NAA35: variants seen among roughly 807,000 people sequenced by gnomAD.
NAA35 encodes N-alpha-acetyltransferase 35, NatC auxiliary subunit, also known as MAK10 homolog, amino-acid N-acetyltransferase subunit.
A neutral mutation model predicts 101.7 loss-of-function variants in NAA35; 18 were observed. The observed-to-expected ratio is 0.18, with a 90% confidence interval of 0.12 to 0.26. NAA35 has a LOEUF of 0.26. NAA35 is among the 10% of genes least tolerant of loss of function. The pLI is 1.00. For synonymous variants in NAA35, 267 were observed against 273.1 expected (o/e 0.98, Z 0.22); for missense variants, 601 against 886.8 (o/e 0.68, Z 4.09).
chr9:86,010,125 G>A (rs1831834342), intron 15 of NAA35, among the ~76,000 whole-genome samples, 194 bp downstream of exon 15: 1 of 152,114 alleles, frequency 6.6e-6, no homozygotes, highest in Non-Finnish European at 1.5e-5. Flanking sequence ...GCGCACGCCT[G>A]TAGTGCCAGC....
intron 2 of NAA35, among the ~76,000 whole-genome samples, chr9:85,949,456 G>A (rs1389435184): frequency 2.0e-5 from 3 of 151,574 alleles, no homozygotes; most frequent in Admixed American, 6.6e-5. Context: ...CACCATGCCC[G>A]GCTAATTTTT....
chr9:85,997,427 C>T (rs1001345548), intron 12 of NAA35, among the ~76,000 whole-genome samples: 4 of 151,424 alleles, frequency 2.6e-5, no homozygotes, highest in African/African-American at 7.3e-5. Flanking sequence ...CTGCAACCTC[C>T]GCCTGCCAGA....
chr9:85,976,855 A>G (rs1374965929), intron 9 of NAA35, 120 bp downstream of exon 9: 2 of 681,890 alleles, frequency 2.9e-6, no homozygotes, highest in Non-Finnish European at 4.9e-6. Flanking sequence ...TAAAAATTGG[A>G]CATTGCAAGG....
chr9:86,000,135 C>T (rs1360638861), intron 12 of NAA35, among the ~76,000 whole-genome samples: 1 of 152,090 alleles, frequency 6.6e-6, no homozygotes, highest in African/African-American at 2.4e-5. Flanking sequence ...GAAGGCTTTT[C>T]TGCATCTATT....
chr9:85,941,335 C>T (rs1034285772), intron 1 of NAA35, 62 bp downstream of exon 1: 19 of 985,456 alleles, frequency 1.9e-5, no homozygotes, highest in African/African-American at 1.6e-4. Context: ...GAGCCGCAGC[C>T]CCCCGCGCGT....
intron 12 of NAA35, among the ~76,000 whole-genome samples, chr9:85,997,601 C>G (rs912044945): frequency 6.6e-6 from 1 of 152,126 alleles, no homozygotes; most frequent in South Asian, 2.1e-4. Context: ...CTTTGGCCTC[C>G]CAAAGTGCTG....
chr9:85,963,228 A>C (rs1164564088), intron 6 of NAA35, among the ~76,000 whole-genome samples: 1 of 142,850 alleles, frequency 7.0e-6, no homozygotes, highest in Non-Finnish European at 1.5e-5. Flanking sequence ...AATTAAATGT[A>C]TACCCAATAT....
intron 15 of NAA35, 91 bp from the exon 16 acceptor site, chr9:86,012,955 C>T: frequency 2.4e-6 from 2 of 818,646 alleles, no homozygotes; most frequent in Non-Finnish European, 3.6e-6. Flanking sequence ...CATTTTTTTC[C>T]CTTAAACCAG....
At chr9:86,001,243 C>T (rs1192073661) in intron 12 of NAA35, among the ~76,000 whole-genome samples, 2 of 152,018 alleles carry the variant, frequency 1.3e-5, no homozygotes, top group Admixed American at 1.3e-4. Context: ...ACGCTGTGGT[C>T]CAAGAGTATG....
chr9:85,983,022 A>C lies in NAA35; in HGVS notation c.877+4641A>C, dbSNP rs141885636. Among the ~76,000 whole-genome samples the C allele has an allele frequency of 3.8e-3, 582 of 152,290 alleles. 6 individuals are homozygous for C. Among genetic ancestry groups the C allele is most frequent in the African/African-American group, 0.013 (536 of 41,570 alleles). On this transcript the variant is annotated intron_variant, in intron 11 of 22. Transcript: ENST00000361671. ...GAAATGGGTATGAGAAATTTAGCTG[A>C]AAACATGAGAACTGGTTGATAATCT...
intron 2 of NAA35, among the ~76,000 whole-genome samples, chr9:85,953,110 G>T (rs993674882): frequency 1.3e-5 from 2 of 152,154 alleles, no homozygotes; most frequent in Admixed American, 6.5e-5. Flanking sequence ...TTACCCAGGA[G>T]GCTGAGGTGG....
rs575495786 is a variant in NAA35, at chr9:85,995,225, C to T, written c.878-1174C>T. On this transcript the variant is annotated intron_variant, in intron 11 of 22. Coordinates refer to ENST00000361671, the MANE Select transcript of NAA35 (RefSeq NM_024635.4). ...TGAAGGGAAGATAATCTTATTTGGCCCTCTTGTACTGAGTGATTTTTAGCA... is the reference window on the plus strand; with the variant it reads ...TGAAGGGAAGATAATCTTATTTGGCTCTCTTGTACTGAGTGATTTTTAGCA... Among the ~76,000 whole-genome samples the T allele has an allele frequency of 4.4e-3, 668 of 150,320 alleles. 8 individuals carry two copies. Among genetic ancestry groups the T allele is most frequent in the African/African-American group, 0.016 (638 of 41,018 alleles).
intron 11 of NAA35, among the ~76,000 whole-genome samples, chr9:85,992,921 G>A (rs1338061803): frequency 6.6e-6 from 1 of 152,140 alleles, no homozygotes; most frequent in African/African-American, 2.4e-5. Context: ...ACTATTGACT[G>A]TGCTTGGAAC....
Position 85,951,153 on chromosome 9 carries a change from T to A in NAA35, c.125-5207T>A, listed in dbSNP as rs1315971592. Among the ~76,000 whole-genome samples the A allele has an allele frequency of 9.2e-4, 137 of 148,164 alleles. 1 individual carries two copies. The highest frequency in any genetic ancestry group is 9.4e-4 in the Admixed American group (14 of 14,878). ...ACTCCATCTCAAAAAAAAAAAAAAA[T>A]GATAACCCGTTGCATGTTAACATAA... is the stretch of plus-strand genomic sequence containing the variant. On this transcript the variant is annotated intron_variant, in intron 2 of 22. Transcript: ENST00000361671.
rs1832716015 is a variant in NAA35 at position 86,024,834 on chromosome 9, G to C, written c.*2874G>C. Among the ~76,000 whole-genome samples, 1 of 152,242 alleles carries C rather than the reference G, an allele frequency of 6.6e-6. No individual in the cohort carries two copies. Among genetic ancestry groups the C allele is most frequent in the East Asian group, 1.9e-4 (1 of 5,166 alleles). On this transcript the variant is annotated 3_prime_UTR_variant, in exon 23 of 23. Transcript: ENST00000361671. ...GGTCTCAAACTGGGAGGTGCCATCT[G>C]GGGTGGAGATGAACTGAGGACTCAG...
chr9:85,991,346 A>G (rs916250719), intron 11 of NAA35, among the ~76,000 whole-genome samples: 8 of 152,048 alleles, frequency 5.3e-5, no homozygotes, highest in Non-Finnish European at 1.2e-4. Context: ...AAGCCAGGTA[A>G]TGAGGGCATC....
chr9:85,966,505 T>C, intron 6 of NAA35: 1 of 559,972 alleles, frequency 1.8e-6, no homozygotes, highest in Non-Finnish European at 2.7e-6. Flanking sequence ...AAAATTTAGC[T>C]TCACTATAAT....
intron 11 of NAA35, among the ~76,000 whole-genome samples, chr9:85,985,121 G>T (rs1225950959): frequency 6.6e-6 from 1 of 152,160 alleles, no homozygotes; most frequent in Non-Finnish European, 1.5e-5. Flanking sequence ...CCACCCACTT[G>T]ATTGCTTTAA....
intron 14 of NAA35, 65 bp from the exon 15 acceptor site, chr9:86,009,800 G>A (rs773471326): frequency 8.6e-7 from 1 of 1,167,228 alleles, no homozygotes; most frequent in Non-Finnish European, 1.3e-6. Context: ...GGTAGCATCT[G>A]CAGTAATTGC....
Sources: allele counts gnomAD v4.1 joint callset (sites outside exome capture counted in the v4.1 genomes callset), GRCh38; gene constraint gnomAD v4.1.1; transcripts MANE v1.5; gene names NCBI Gene and HGNC (gene_info 2026-07-23, HGNC 2026-07-21).